MBD5: variants seen among roughly 807,000 people sequenced by gnomAD.
MBD5 encodes the protein methyl-CpG-binding domain protein 5.
A neutral mutation model predicts 117.3 loss-of-function variants in MBD5; 13 were observed. That is an observed-to-expected ratio of 0.11 (90% CI 0.07 to 0.18). MBD5 has a LOEUF of 0.18. Among genes scored for constraint, MBD5 ranks in the 10% least tolerant of loss-of-function variants. The pLI is 1.00. For synonymous variants in MBD5, 727 were observed against 766.4 expected (o/e 0.95, Z 0.85); for missense variants, 1,879 against 2,093.8 (o/e 0.90, Z 2.00).
At chr2:148,408,296 C>T (rs1208146390) in intron 4 of MBD5, among the ~76,000 whole-genome samples, 3 of 152,076 alleles carry the variant, frequency 2.0e-5, no homozygotes, top group African/African-American at 4.8e-5. Flanking sequence ...CATCTTTTAA[C>T]GTTCCTGAAG....
At chr2:148,430,514 A>T (rs942960345) in intron 4 of MBD5, among the ~76,000 whole-genome samples, 2 of 152,026 alleles carry the variant, frequency 1.3e-5, no homozygotes, top group Admixed American at 1.3e-4. Context: ...TATAGTTTAG[A>T]TCTTGTATAT....
chr2:148,513,893 G>T lies in MBD5; in HGVS notation c.*952G>T, dbSNP rs1682285935. 2 of 152,274 alleles carry T rather than the reference G, an allele frequency of 1.3e-5. No individual in the cohort carries two copies. Among genetic ancestry groups the T allele is most frequent in the South Asian group, 4.1e-4 (2 of 4,826 alleles). 9.4% of individuals were successfully genotyped at this position (152,274 alleles called of 1,614,324 possible). Reference sequence around the variant, plus strand: ...GAGGGTTTTTTTGCAAATGATATCTGACAAGGTAAAACTTTCTATTTCCGT... The same window carrying T: ...GAGGGTTTTTTTGCAAATGATATCTTACAAGGTAAAACTTTCTATTTCCGT... On this transcript the variant is annotated 3_prime_UTR_variant, in exon 14 of 14. Coordinates refer to ENST00000642680, the MANE Select transcript of MBD5 (RefSeq NM_001378120.1).
chr2:148,288,527 A>C (rs2106414186), intron 3 of MBD5, among the ~76,000 whole-genome samples: 1 of 152,022 alleles, frequency 6.6e-6, no homozygotes, highest in South Asian at 2.1e-4. Context: ...CTATCCAAGA[A>C]AGATATTTTG....
intron 1 of MBD5, among the ~76,000 whole-genome samples, chr2:148,175,946 A>G (rs1007320458): frequency 6.6e-6 from 1 of 152,204 alleles, no homozygotes; most frequent in African/African-American, 2.4e-5. Context: ...TACATGACAA[A>G]TGTTAGTGCT....
chr2:148,066,418 A>G (rs944329952), intron 1 of MBD5, among the ~76,000 whole-genome samples: 5 of 151,486 alleles, frequency 3.3e-5, no homozygotes, highest in Non-Finnish European at 5.9e-5. Context: ...CTTCCTCACT[A>G]TAGTATTTAG....
intron 3 of MBD5, among the ~76,000 whole-genome samples, chr2:148,248,949 C>T (rs975050137): frequency 6.6e-5 from 10 of 151,888 alleles, no homozygotes; most frequent in South Asian, 2.1e-4. Context: ...ATTGATTATC[C>T]GTTAAGAGGA....
At chr2:148,196,336 C>T (rs1374284870) in intron 2 of MBD5, 1 of 151,898 alleles carries the variant, frequency 6.6e-6, no homozygotes, top group East Asian at 1.9e-4. Context: ...TCTGTTATGA[C>T]TAGTGTAGGT....
intron 8 of MBD5, among the ~76,000 whole-genome samples, chr2:148,477,123 G>A (rs1187239072): frequency 1.3e-5 from 2 of 151,844 alleles, no homozygotes; most frequent in African/African-American, 2.4e-5. Flanking sequence ...TTATGGGGAG[G>A]GGGGAAGAAA....
chr2:148,409,950 A>G (rs934046282), intron 4 of MBD5, among the ~76,000 whole-genome samples: 1 of 152,156 alleles, frequency 6.6e-6, no homozygotes, highest in Non-Finnish European at 1.5e-5. Flanking sequence ...TCCCCAACTA[A>G]TAGGAATTTA....
intron 4 of MBD5, among the ~76,000 whole-genome samples, chr2:148,427,708 G>A (rs965910208): frequency 3.9e-5 from 6 of 152,156 alleles, no homozygotes; most frequent in Admixed American, 2.6e-4. Context: ...GTTAATGGGT[G>A]CAGCACACCA....
chr2:148,151,493 A>G (rs549401604), intron 1 of MBD5, among the ~76,000 whole-genome samples: 1 of 152,256 alleles, frequency 6.6e-6, no homozygotes, highest in African/African-American at 2.4e-5. Flanking sequence ...TTTTCTATTG[A>G]TTGGAATAGT....
At chr2:148,113,570 AC>A (rs1227749639) in intron 1 of MBD5, among the ~76,000 whole-genome samples, 2 of 152,176 alleles carry the variant, frequency 1.3e-5, no homozygotes, top group Non-Finnish European at 2.9e-5. Flanking sequence ...GTCTCAATAT[AC>A]CTTAGTCTGT....
intron 4 of MBD5, among the ~76,000 whole-genome samples, chr2:148,364,125 A>G (rs1703625138): frequency 1.3e-5 from 2 of 152,358 alleles, no homozygotes; most frequent in East Asian, 1.9e-4. Context: ...AGGGAATCCC[A>G]TCAGGCTAAC....
intron 3 of MBD5, among the ~76,000 whole-genome samples, chr2:148,300,050 A>G (rs1219206796): frequency 6.6e-6 from 1 of 151,992 alleles, no homozygotes; most frequent in Non-Finnish European, 1.5e-5. Flanking sequence ...ATAAGTGACT[A>G]CATTTGGGGA....
intron 4 of MBD5, among the ~76,000 whole-genome samples, chr2:148,350,583 A>G (rs1190059309): frequency 6.6e-6 from 1 of 152,024 alleles, no homozygotes; most frequent in East Asian, 1.9e-4. Context: ...TATAAGTGCA[A>G]AAATAAGTTT....
chr2:148,325,737 T>C (rs957624377), intron 3 of MBD5, among the ~76,000 whole-genome samples: 3 of 152,204 alleles, frequency 2.0e-5, no homozygotes, highest in Non-Finnish European at 4.4e-5. Context: ...TTTTTCTTTA[T>C]TAGTCTTGCT....
At chr2:148,419,769 G>C (rs1705540291) in intron 4 of MBD5, among the ~76,000 whole-genome samples, 1 of 152,002 alleles carries the variant, frequency 6.6e-6, no homozygotes, top group Admixed American at 6.6e-5. Flanking sequence ...TTTTCAGTTT[G>C]GGTTTCCTAG....
At chr2:148,343,728 C>T (rs1170547252) in intron 4 of MBD5, among the ~76,000 whole-genome samples, 1 of 151,918 alleles carries the variant, frequency 6.6e-6, no homozygotes, top group Non-Finnish European at 1.5e-5. Flanking sequence ...TGTGGATTGT[C>T]TATTTACTCT....
chr2:148,448,679 A>G (rs893857881), intron 4 of MBD5, among the ~76,000 whole-genome samples: 1 of 152,044 alleles, frequency 6.6e-6, no homozygotes, highest in African/African-American at 2.4e-5. Context: ...ATTAGTGTAT[A>G]TATAAATACA....
Sources: gnomAD v4.1 joint callset for allele counts (sites outside exome capture counted in the v4.1 genomes callset) on GRCh38, gnomAD v4.1.1 for gene constraint, MANE v1.5 for transcripts, NCBI Gene and HGNC (gene_info 2026-07-23, HGNC 2026-07-21) for gene names.